ABL2: variants seen among roughly 807,000 people sequenced by gnomAD.
ABL2 encodes ABL proto-oncogene 2, non-receptor tyrosine kinase, also known as tyrosine-protein kinase ABL2.
Under a neutral mutation model 107.7 loss-of-function variants are expected in ABL2, and 49 were observed. The observed-to-expected ratio is 0.45, with a 90% CI of 0.36 to 0.58. ABL2 has a LOEUF of 0.58. Ranked by LOEUF, ABL2 falls within the 20% of genes least tolerant of loss-of-function variation. The probability of loss-of-function intolerance (pLI) is 0.00; values close to 1 mark genes in which losing one functional copy is unlikely to be tolerated. For missense variants in ABL2, 1,245 were observed against 1,457.0 expected (o/e 0.85, Z 2.37); for synonymous variants, 549 against 548.6 (o/e 1.00, Z -0.01).
chr1:179,168,711 A>G (rs537203738), intron 1 of ABL2, among the ~76,000 whole-genome samples: 2 of 152,304 alleles, frequency 1.3e-5, no homozygotes, highest in East Asian at 3.9e-4. Context: ...GAGTAGATAC[A>G]TGACCCTCGT....
At chr1:179,127,948 T>A (rs546899116) in intron 3 of ABL2, among the ~76,000 whole-genome samples, 2 of 151,734 alleles carry the variant, frequency 1.3e-5, no homozygotes, top group African/African-American at 4.8e-5. Context: ...GGCAGGAGAA[T>A]TGCTTGAACC....
intron 1 of ABL2, among the ~76,000 whole-genome samples, chr1:179,136,023 C>T (rs1233091638): frequency 8.2e-5 from 12 of 146,340 alleles, no homozygotes; most frequent in South Asian, 4.4e-4. Flanking sequence ...TCTGCCCGGC[C>T]GCCCCTACTG....
intron 1 of ABL2, among the ~76,000 whole-genome samples, chr1:179,157,927 G>C (rs1216813046): frequency 6.6e-6 from 1 of 152,118 alleles, no homozygotes; most frequent in Admixed American, 6.6e-5. Flanking sequence ...AGGATAGCTG[G>C]GCCCAGGCTA....
At chr1:179,119,263 C>G (rs554644116) in intron 6 of ABL2, among the ~76,000 whole-genome samples, 1 of 152,090 alleles carries the variant, frequency 6.6e-6, no homozygotes, top group Non-Finnish European at 1.5e-5. Flanking sequence ...AACAAGAGGC[C>G]GGGTGCAGTG....
rs1441649817 is a variant in ABL2 at position 179,126,262 on chromosome 1, G to C, written c.687+115C>G. On this transcript the variant is annotated intron_variant, in intron 4 of 11. Transcript: ENST00000502732. The surrounding 1 kb of genome is among the most constrained non-coding windows in gnomAD (Gnocchi z 4.4). ...CAAAAAGCCCAAACTCACAAAGCTA[G>C]TGAATATTTTATTTCACGTCAGACA... 8.1e-7 allele frequency: 1 copy of C among 1,241,280 alleles called. No individual in the cohort carries two copies. Among genetic ancestry groups the C allele is most frequent in the African/African-American group, 1.5e-5 (1 of 66,704 alleles). The allele number at this position is 1,241,280 out of a possible 1,614,324, so 76.9% of individuals were successfully genotyped here.
chr1:179,118,926 G>A (rs1248210340), intron 6 of ABL2, among the ~76,000 whole-genome samples, 162 bp from the exon 7 acceptor site: 3 of 152,098 alleles, frequency 2.0e-5, no homozygotes, highest in African/African-American at 4.8e-5. Context: ...AAACTAAGAA[G>A]CTGGTTTATA....
At chr1:179,220,533 T>C (rs139190036) in intron 1 of ABL2, among the ~76,000 whole-genome samples, 14 of 152,346 alleles carry the variant, frequency 9.2e-5, no homozygotes, top group African/African-American at 2.9e-4. Context: ...AGGAAGAAAT[T>C]ACCAAACCAT....
intron 1 of ABL2, among the ~76,000 whole-genome samples, chr1:179,194,636 C>G (rs747380345): frequency 1.3e-5 from 2 of 152,174 alleles, no homozygotes. Context: ...CTCCAGCTAG[C>G]AGTATGACTG....
chr1:179,117,114 C>T (rs1000330259), intron 8 of ABL2: 6 of 557,882 alleles, frequency 1.1e-5, no homozygotes, highest in African/African-American at 3.8e-5. Context: ...TAATTACAAA[C>T]GTGAGCCACC....
chr1:179,136,682 C>A (rs1657025252), intron 1 of ABL2, among the ~76,000 whole-genome samples: 1 of 140,536 alleles, frequency 7.1e-6, no homozygotes, highest in African/African-American at 2.6e-5. Context: ...TCCCCCTCTG[C>A]GAGAAACACC....
At chr1:179,121,984 G>A in intron 4 of ABL2, 117 bp from the exon 5 acceptor site, 3 of 1,033,356 alleles carry the variant, frequency 2.9e-6, no homozygotes, top group Non-Finnish European at 4.0e-6. Context: ...GGAGTGCACT[G>A]GCGCGATCTC....
At chr1:179,130,100 C>T (rs952338682) in intron 3 of ABL2, among the ~76,000 whole-genome samples, 18 of 152,188 alleles carry the variant, frequency 1.2e-4, no homozygotes, top group African/African-American at 3.6e-4. Flanking sequence ...CCGCTACACA[C>T]GGCTAATGTC....
At chr1:179,136,657 T>C (rs1657021492) in intron 1 of ABL2, among the ~76,000 whole-genome samples, 1 of 148,784 alleles carries the variant, frequency 6.7e-6, no homozygotes, top group East Asian at 2.0e-4. Context: ...ACTATTGTCC[T>C]GTGACCCTGC....
At chr1:179,141,970 A>G (rs1657633157) in intron 1 of ABL2, among the ~76,000 whole-genome samples, 1 of 152,250 alleles carries the variant, frequency 6.6e-6, no homozygotes, top group African/African-American at 2.4e-5. Context: ...GGGAAGAGCA[A>G]GTAAATGTCA....
chr1:179,178,608 G>A (rs571386343), intron 1 of ABL2, among the ~76,000 whole-genome samples: 70 of 152,098 alleles, frequency 4.6e-4, no homozygotes, highest in African/African-American at 1.3e-3. Flanking sequence ...TAAGAACATC[G>A]GGCGGGCATG....
intron 1 of ABL2, among the ~76,000 whole-genome samples, chr1:179,149,901 A>G (rs1469551371): frequency 1.3e-5 from 2 of 152,190 alleles, no homozygotes; most frequent in Admixed American, 6.5e-5. Context: ...TCTGCAGCCC[A>G]TAAATCAATG....
At chr1:179,113,618 G>C (rs1654312154) in intron 9 of ABL2, among the ~76,000 whole-genome samples, 1 of 152,076 alleles carries the variant, frequency 6.6e-6, no homozygotes, top group Non-Finnish European at 1.5e-5. Flanking sequence ...TGGCCAACAT[G>C]GTGAAACCTT....
chr1:179,177,558 CACAATTAATTCATTTAATTTGATA>C (rs919531307), intron 1 of ABL2, among the ~76,000 whole-genome samples: 22 of 152,228 alleles, frequency 1.4e-4, no homozygotes, highest in Admixed American at 8.5e-4. Flanking sequence ...GGGATTTAAC[CACAATTAATTCATTTAATTTGATA>C]ACAATTAATT....
rs895560090 is a variant in ABL2 at position 179,124,553 on chromosome 1, C to T, written c.687+1824G>A. Among the ~76,000 whole-genome samples, 9 of 136,756 alleles carry T rather than the reference C, an allele frequency of 6.6e-5. No individual in the cohort carries two copies. In the South Asian group the frequency reaches 2.2e-3, roughly 34 times the overall value. 89.7% of individuals were successfully genotyped at this position (136,756 alleles called of 152,430 possible). A position where few individuals can be genotyped will look rare whatever the true frequency, so the allele number is the denominator to read the frequency against. Reference sequence around the variant, plus strand: ...GCACGATCTTGGCTCACTACAACCTCCACCTCCCAGGTTCAACCAATTCTC... The same window carrying T: ...GCACGATCTTGGCTCACTACAACCTTCACCTCCCAGGTTCAACCAATTCTC... On this transcript the variant is annotated intron_variant, in intron 4 of 11. Coordinates refer to ENST00000502732, the MANE Select transcript of ABL2 (RefSeq NM_007314.4).
Sources: gnomAD v4.1 joint callset for allele counts (sites outside exome capture counted in the v4.1 genomes callset) on GRCh38, gnomAD v4.1.1 for gene constraint, Gnocchi (gnomAD v3.1) non-coding constraint, MANE v1.5 for transcripts, NCBI Gene and HGNC (gene_info 2026-07-23, HGNC 2026-07-21) for gene names.